RBFOX1: variants seen among roughly 807,000 people sequenced by gnomAD.
RBFOX1 encodes the protein RNA binding protein fox-1 homolog 1.
A neutral mutation model predicts 57.7 loss-of-function variants in RBFOX1; 8 were observed. That is an observed-to-expected ratio of 0.14 (90% CI 0.08 to 0.25). RBFOX1 has a LOEUF of 0.25. Ranked by LOEUF, RBFOX1 falls within the 10% of genes least tolerant of loss-of-function variation. RBFOX1 has a pLI of 1.00. For missense variants in RBFOX1, 611 were observed against 548.5 expected (o/e 1.11, Z -1.14); for synonymous variants, 326 against 222.4 (o/e 1.47, Z -4.15).
chr16:7,066,201 G>T (rs879424831), intron 4 of RBFOX1, among the ~76,000 whole-genome samples: 1 of 152,310 alleles, frequency 6.6e-6, no homozygotes, highest in Non-Finnish European at 1.5e-5. Context: ...GAAAAAGGGA[G>T]GTTAAGAGTT....
At chr16:6,835,700 A>G (rs995776403) in intron 3 of RBFOX1, among the ~76,000 whole-genome samples, 1 of 148,920 alleles carries the variant, frequency 6.7e-6, no homozygotes, top group African/African-American at 2.5e-5. Context: ...GTTGCAGTGA[A>G]CCAAGATTGA....
At chr16:6,154,139 C>T (rs17139475) in intron 1 of RBFOX1, among the ~76,000 whole-genome samples, 3,784 of 152,252 alleles carry the variant, frequency 0.025, 154 homozygotes, top group African/African-American at 0.084. Context: ...CACGCTGACG[C>T]TTACTAAGCC....
chr16:6,660,347 A>T (rs1040789707), intron 3 of RBFOX1, among the ~76,000 whole-genome samples: 4 of 152,154 alleles, frequency 2.6e-5, no homozygotes, highest in Non-Finnish European at 5.9e-5. Flanking sequence ...ATGACACACG[A>T]TTACTTATAT....
intron 3 of RBFOX1, among the ~76,000 whole-genome samples, chr16:6,984,423 G>C (rs1166850679): frequency 6.6e-6 from 1 of 152,100 alleles, no homozygotes; most frequent in Non-Finnish European, 1.5e-5. Flanking sequence ...GGTATCTCCA[G>C]TGAGACGAAC....
intron 2 of RBFOX1, among the ~76,000 whole-genome samples, chr16:6,414,364 A>G (rs548388657): frequency 1.1e-4 from 16 of 152,248 alleles, no homozygotes; most frequent in African/African-American, 3.9e-4. Flanking sequence ...TGTCACATCC[A>G]TTTGCGCATG....
In RBFOX1 at chr16:7,567,775, CTATA is replaced by C. The variant is rs556601713; in HGVS notation, c.271-11996_271-11993del. Among the ~76,000 whole-genome samples the C allele has an allele frequency of 3.2e-4, 47 of 147,264 alleles. 1 individual carries two copies. The South Asian group carries it at 9.2e-3, about 29-fold the overall frequency. ...CATATAACCCTATATATATCCCTCT[CTATA>C]TATATCCATATGTATACCTATATAT... is the stretch of plus-strand genomic sequence containing the variant. On this transcript the variant is annotated intron_variant, in intron 5 of 15. Transcript: ENST00000550418.
chr16:5,442,650 T>C (rs1051127035), intron 1 of RBFOX1, among the ~76,000 whole-genome samples: 2 of 151,924 alleles, frequency 1.3e-5, no homozygotes, highest in African/African-American at 2.4e-5. Flanking sequence ...TAAATTAGAG[T>C]GGTTGTATCT....
chr16:7,180,713 T>G (rs956197319), intron 4 of RBFOX1, among the ~76,000 whole-genome samples: 9 of 46,766 alleles, frequency 1.9e-4, no homozygotes, highest in African/African-American at 8.1e-4. Context: ...GTTATTATGA[T>G]GAAAAAAAAA....
At chr16:5,879,308 T>G (rs2057701725) in intron 4 of RBFOX1, among the ~76,000 whole-genome samples, 2 of 152,228 alleles carry the variant, frequency 1.3e-5, no homozygotes, top group Non-Finnish European at 2.9e-5. Flanking sequence ...GAGAAACTCC[T>G]CAGATCGTAT....
chr16:6,268,994 A>G (rs1025241415), intron 1 of RBFOX1, among the ~76,000 whole-genome samples: 4 of 152,196 alleles, frequency 2.6e-5, no homozygotes, highest in Non-Finnish European at 5.9e-5. Flanking sequence ...TTGTGGGGAC[A>G]TATCTCTCAC....
chr16:7,283,835 A>G (rs2095596604), intron 4 of RBFOX1, among the ~76,000 whole-genome samples: 1 of 152,202 alleles, frequency 6.6e-6, no homozygotes, highest in Non-Finnish European at 1.5e-5. Flanking sequence ...TTTAGCACAC[A>G]GTTCTTCAAG....
chr16:6,395,353 A>T (rs1334166732), intron 2 of RBFOX1, among the ~76,000 whole-genome samples: 2 of 152,212 alleles, frequency 1.3e-5, no homozygotes, highest in South Asian at 2.1e-4. Flanking sequence ...AAGCCATGTT[A>T]TACTTCTTCT....
intron 2 of RBFOX1, among the ~76,000 whole-genome samples, chr16:6,544,172 C>G (rs1455644667): frequency 6.6e-6 from 1 of 152,182 alleles, no homozygotes; most frequent in Non-Finnish European, 1.5e-5. Context: ...GTGCTCATCC[C>G]AGGGGCAACA....
At chr16:6,463,996 C>T (rs2094981712) in intron 2 of RBFOX1, among the ~76,000 whole-genome samples, 1 of 152,126 alleles carries the variant, frequency 6.6e-6, no homozygotes, top group Non-Finnish European at 1.5e-5. Flanking sequence ...GAGGGGCTGA[C>T]CATTTGATAG....
At chr16:7,222,973 A>G (rs1281845293) in intron 4 of RBFOX1, among the ~76,000 whole-genome samples, 1 of 152,172 alleles carries the variant, frequency 6.6e-6, no homozygotes. Context: ...GTTGTGCAGC[A>G]TAAACATCTG....
intron 1 of RBFOX1, among the ~76,000 whole-genome samples, chr16:5,358,197 C>A (rs1283146956): frequency 6.6e-6 from 1 of 151,974 alleles, no homozygotes; most frequent in Non-Finnish European, 1.5e-5. Flanking sequence ...ATCACCCTGA[C>A]CTCTACCTTC....
intron 4 of RBFOX1, among the ~76,000 whole-genome samples, chr16:5,960,524 A>T (rs1596304499): frequency 6.6e-6 from 1 of 152,154 alleles, no homozygotes; most frequent in Non-Finnish European, 1.5e-5. Context: ...AGCTATAAAT[A>T]CATTCTGCTT....
At chr16:6,270,567 G>C (rs1382139965) in intron 1 of RBFOX1, among the ~76,000 whole-genome samples, 1 of 151,332 alleles carries the variant, frequency 6.6e-6, no homozygotes, top group Admixed American at 6.6e-5. Flanking sequence ...ATTAAACACA[G>C]AGCTACACAA....
chr16:7,099,003 T>C (rs577671150), intron 4 of RBFOX1, among the ~76,000 whole-genome samples: 103 of 152,266 alleles, frequency 6.8e-4, no homozygotes, highest in Non-Finnish European at 1.2e-3. Flanking sequence ...TGCCTCTTTT[T>C]GGTGGGTCAG....
Sources: gnomAD v4.1 joint callset for allele counts (sites outside exome capture counted in the v4.1 genomes callset) on GRCh38, gnomAD v4.1.1 for gene constraint, MANE v1.5 for transcripts, NCBI Gene and HGNC (gene_info 2026-07-23, HGNC 2026-07-21) for gene names.